The following PSD3 variants were observed in gnomAD, a reference collection of about 807,000 sequenced individuals.
The protein encoded by PSD3 is PH and SEC7 domain-containing protein 3.
In PSD3, 49 loss-of-function variants were observed where a neutral mutation model predicts 105.5. The ratio of observed to expected loss-of-function variants is 0.46; its 90% confidence interval spans 0.37 to 0.59. PSD3 has a LOEUF of 0.59. PSD3 is among the 20% of genes least tolerant of loss of function. PSD3 has a pLI of 0.00. For synonymous variants in PSD3, 557 were observed against 457.8 expected (o/e 1.22, Z -2.77); for missense variants, 1,561 against 1,263.8 (o/e 1.24, Z -3.57).
chr8:18,895,850 T>C (rs1013274846), intron 2 of PSD3, among the ~76,000 whole-genome samples: 3 of 152,216 alleles, frequency 2.0e-5, no homozygotes, highest in Admixed American at 6.5e-5. Flanking sequence ...ATACAATAAA[T>C]GTTTGTAAAT....
At chr8:18,697,434 T>C (rs1585649708) in intron 9 of PSD3, among the ~76,000 whole-genome samples, 1 of 152,232 alleles carries the variant, frequency 6.6e-6, no homozygotes, top group African/African-American at 2.4e-5. Flanking sequence ...TGACAGTCTA[T>C]GTAAACAAGA....
In PSD3 at chr8:18,846,407, C is replaced by T. The variant is rs543711672; in HGVS notation, c.1634+21267G>A. Among the ~76,000 whole-genome samples, 7 of 152,150 alleles carry T rather than the reference C, an allele frequency of 4.6e-5. No homozygotes were observed. The East Asian group carries it at 7.7e-4, about 17-fold the overall frequency. ...ATCAGATGAACAGAAACGTAGGGGG[C>T]GGAAACTAACGATAGAACAGTTTCT... On this transcript the variant is annotated intron_variant, in intron 4 of 15. Transcript: ENST00000327040.
At chr8:18,942,611 T>G (rs976844314) in intron 1 of PSD3, among the ~76,000 whole-genome samples, 3 of 152,284 alleles carry the variant, frequency 2.0e-5, no homozygotes, top group Admixed American at 1.3e-4. Flanking sequence ...TAACTTAACA[T>G]GACTAATGTC....
chr8:18,590,037 G>T (rs549945932), intron 12 of PSD3, among the ~76,000 whole-genome samples: 1 of 151,560 alleles, frequency 6.6e-6, no homozygotes, highest in Non-Finnish European at 1.5e-5. Context: ...ACAAAAACAA[G>T]CAAAGAAAAC....
At chr8:18,991,399 C>CACAT (rs1825797795) in intron 1 of PSD3, among the ~76,000 whole-genome samples, 1 of 149,012 alleles carries the variant, frequency 6.7e-6, no homozygotes, top group African/African-American at 2.5e-5. Context: ...CACACACACA[C>CACAT]ACTCCTGAAA....
intron 12 of PSD3, among the ~76,000 whole-genome samples, chr8:18,584,112 G>C (rs1010354505): frequency 2.6e-5 from 4 of 152,190 alleles, no homozygotes; most frequent in African/African-American, 9.7e-5. Context: ...GTCTATGTTA[G>C]AAAATCTCAA....
intron 2 of PSD3, among the ~76,000 whole-genome samples, chr8:18,918,685 A>G (rs575349590): frequency 1.6e-4 from 25 of 152,198 alleles, no homozygotes; most frequent in Non-Finnish European, 3.4e-4. Flanking sequence ...CTGTGTTCCA[A>G]TAACATCCAT....
intron 9 of PSD3, among the ~76,000 whole-genome samples, chr8:18,700,892 A>C (rs534518859): frequency 6.6e-6 from 1 of 152,272 alleles, no homozygotes; most frequent in Non-Finnish European, 1.5e-5. Flanking sequence ...ACCTCAGTTT[A>C]TATATCTGTA....
At chr8:18,585,721 T>C (rs2130448723) in intron 12 of PSD3, among the ~76,000 whole-genome samples, 1 of 152,286 alleles carries the variant, frequency 6.6e-6, no homozygotes, top group Middle Eastern at 3.4e-3. Flanking sequence ...GGAACCAATA[T>C]TTACTATTAA....
intron 12 of PSD3, among the ~76,000 whole-genome samples, chr8:18,578,091 G>A (rs1225847034): frequency 6.6e-6 from 1 of 152,020 alleles, no homozygotes; most frequent in Non-Finnish European, 1.5e-5. Flanking sequence ...CTAGCTTCCA[G>A]TTTAATACAA....
At chr8:18,678,730 C>T (rs1325661722) in intron 9 of PSD3, among the ~76,000 whole-genome samples, 7 of 151,800 alleles carry the variant, frequency 4.6e-5, no homozygotes, top group Admixed American at 3.9e-4. Context: ...GGGAATCGCT[C>T]GAATCTGGGA....
chr8:18,614,938 T>C (rs1326352924), intron 11 of PSD3, among the ~76,000 whole-genome samples: 2 of 152,124 alleles, frequency 1.3e-5, no homozygotes, highest in African/African-American at 4.8e-5. Context: ...ACAGGCCTCA[T>C]AATTCTATAA....
chr8:18,594,243 T>A (rs866104811), intron 12 of PSD3, among the ~76,000 whole-genome samples: 1 of 5,506 alleles, frequency 1.8e-4, no homozygotes, highest in Non-Finnish European at 4.4e-4. Flanking sequence ...TATATATTAT[T>A]ATATATATTA....
chr8:18,705,420 A>G (rs537832198), intron 9 of PSD3, among the ~76,000 whole-genome samples: 1 of 151,158 alleles, frequency 6.6e-6, no homozygotes, highest in East Asian at 2.0e-4. Flanking sequence ...AGTCTTAGCT[A>G]CTTGGGAGGC....
chr8:18,929,835 T>C (rs1452555759), intron 2 of PSD3, among the ~76,000 whole-genome samples: 1 of 152,158 alleles, frequency 6.6e-6, no homozygotes, highest in Non-Finnish European at 1.5e-5. Flanking sequence ...AAAAATCTAA[T>C]TGTTTATTTA....
At chr8:18,894,044 T>C (rs1201872273) in intron 2 of PSD3, among the ~76,000 whole-genome samples, 1 of 152,180 alleles carries the variant, frequency 6.6e-6, no homozygotes. Flanking sequence ...TCAGTCAATA[T>C]ATATAAATTG....
intron 1 of PSD3, among the ~76,000 whole-genome samples, chr8:19,064,095 C>T (rs907186888): frequency 4.6e-5 from 7 of 151,982 alleles, no homozygotes; most frequent in Non-Finnish European, 1.0e-4. Context: ...GAGCCAAGAT[C>T]GTGCTACTGC....
chr8:19,073,842 G>T (rs1829354855), intron 1 of PSD3, among the ~76,000 whole-genome samples: 1 of 151,564 alleles, frequency 6.6e-6, no homozygotes, highest in African/African-American at 2.4e-5. Context: ...CCAGGCTGGA[G>T]TGCAGTGGTA....
chr8:19,080,755 A>G (rs976746784), intron 1 of PSD3, among the ~76,000 whole-genome samples: 2 of 152,218 alleles, frequency 1.3e-5, no homozygotes, highest in African/African-American at 2.4e-5. Flanking sequence ...GAAGACCAAA[A>G]TAGAGCAGTC....
Sources: allele counts gnomAD v4.1 joint callset (sites outside exome capture counted in the v4.1 genomes callset), GRCh38; gene constraint gnomAD v4.1.1; transcripts MANE v1.5; gene names NCBI Gene and HGNC (gene_info 2026-07-23, HGNC 2026-07-21).